The following THSD7B variants were observed in gnomAD, a reference collection of about 807,000 sequenced individuals.
THSD7B encodes thrombospondin type 1 domain containing 7B.
Under a neutral mutation model 213.6 loss-of-function variants are expected in THSD7B, and 138 were observed. The observed-to-expected ratio is 0.65, with a 90% confidence interval of 0.56 to 0.74. The LOEUF is 0.74. Ranked by LOEUF, THSD7B falls within the 30% of genes least tolerant of loss-of-function variation. The pLI is 0.00. For synonymous variants in THSD7B, 742 were observed against 687.0 expected (o/e 1.08, Z -1.25); for missense variants, 1,931 against 1,991.5 (o/e 0.97, Z 0.58).
At chr2:137,141,864 T>A (rs1481434841) in intron 5 of THSD7B, among the ~76,000 whole-genome samples, 1 of 152,092 alleles carries the variant, frequency 6.6e-6, no homozygotes, top group African/African-American at 2.4e-5. Context: ...ACATTTAATG[T>A]TTTTTTGCTA....
At chr2:137,316,757 C>CAAAAAA (rs869268206) in intron 12 of THSD7B, among the ~76,000 whole-genome samples, 3 of 21,812 alleles carry the variant, frequency 1.4e-4, no homozygotes, top group Non-Finnish European at 2.8e-4. Context: ...GACTCTGTCT[C>CAAAAAA]AAAAAAAAAA....
intron 6 of THSD7B, 72 bp from the exon 7 acceptor site, chr2:137,170,669 C>T: frequency 6.7e-7 from 1 of 1,485,802 alleles, no homozygotes; most frequent in South Asian, 1.2e-5. Context: ...TTTCATCTCT[C>T]ACCCAGCTGC....
chr2:137,094,571 C>A (rs1172981954), intron 3 of THSD7B, among the ~76,000 whole-genome samples: 9 of 150,174 alleles, frequency 6.0e-5, no homozygotes, highest in Middle Eastern at 3.5e-3. Context: ...AAAAAAAAAA[C>A]ACAGCAGCCT....
At chr2:137,323,270 G>A (rs1023760108) in intron 12 of THSD7B, among the ~76,000 whole-genome samples, 3 of 152,128 alleles carry the variant, frequency 2.0e-5, no homozygotes, top group Admixed American at 2.0e-4. Context: ...CAGAGGTGGA[G>A]GTAGCATGAC....
At chr2:137,402,422 C>T (rs1686390712) in intron 12 of THSD7B, among the ~76,000 whole-genome samples, 1 of 152,050 alleles carries the variant, frequency 6.6e-6, no homozygotes, top group Non-Finnish European at 1.5e-5. Context: ...AACTTGAAAA[C>T]ATCATTCAAT....
rs772148778 is a variant in THSD7B at position 137,276,027 on chromosome 2, G to T, written c.2500+1G>T. ...TGTGGAAAGGGGTTACAAACAAGAG[G>T]TATGATGATTTTTACATAGTTTTTT... is the stretch of plus-strand genomic sequence containing the variant. On this transcript the variant is annotated splice_donor_variant, in intron 12 of 27. Transcript: ENST00000409968. LOFTEE classifies it high-confidence loss of function. The T allele has an allele frequency of 3.7e-6, 6 of 1,606,446 alleles. No homozygotes were observed. The highest frequency in any genetic ancestry group is 4.3e-6 in the Non-Finnish European group (5 of 1,176,442).
intron 14 of THSD7B, among the ~76,000 whole-genome samples, chr2:137,420,544 C>A (rs776549550): frequency 3.3e-5 from 5 of 152,106 alleles, no homozygotes; most frequent in African/African-American, 1.2e-4. Context: ...TCCTATTTTA[C>A]CTATCTTATT....
intron 5 of THSD7B, chr2:137,156,289 CATTGATT>C (rs1411807288): frequency 6.6e-6 from 1 of 152,158 alleles, no homozygotes; most frequent in Non-Finnish European, 1.5e-5. Context: ...GACCCAAGCA[CATTGATT>C]CAGTGTCTAA....
intron 2 of THSD7B, among the ~76,000 whole-genome samples, chr2:136,981,226 CT>C (rs1229720266): frequency 6.6e-6 from 1 of 152,150 alleles, no homozygotes; most frequent in East Asian, 1.9e-4. Context: ...TGATAGAGGA[CT>C]CTCTCAGTGG....
At chr2:137,269,315 T>G (rs1362460233) in intron 10 of THSD7B, among the ~76,000 whole-genome samples, 1 of 152,176 alleles carries the variant, frequency 6.6e-6, no homozygotes, top group Non-Finnish European at 1.5e-5. Context: ...TTCTCAAACT[T>G]TAGATTATTT....
intron 2 of THSD7B, among the ~76,000 whole-genome samples, chr2:136,972,212 T>C (rs1306073860): frequency 6.6e-6 from 1 of 152,106 alleles, no homozygotes; most frequent in Non-Finnish European, 1.5e-5. Flanking sequence ...GAATTTGGGA[T>C]AGGAAGTGCT....
chr2:137,405,844 C>G (rs374711803), intron 13 of THSD7B, 37 bp downstream of exon 13: 9 of 1,536,640 alleles, frequency 5.9e-6, no homozygotes, highest in Non-Finnish European at 7.9e-6. Context: ...ATCAGGCAAG[C>G]TGAACATCTC....
intron 17 of THSD7B, among the ~76,000 whole-genome samples, chr2:137,577,440 G>A (rs985025919): frequency 1.3e-5 from 2 of 151,804 alleles, no homozygotes; most frequent in Admixed American, 1.3e-4. Flanking sequence ...CATCAATTTG[G>A]AGTACAAAGT....
chr2:136,960,686 CTCCT>C (rs1030468590), intron 2 of THSD7B, among the ~76,000 whole-genome samples: 2 of 152,152 alleles, frequency 1.3e-5, no homozygotes, highest in African/African-American at 2.4e-5. Flanking sequence ...CTTCTCGAAT[CTCCT>C]TCCATAGAGT....
At chr2:137,031,173 G>A (rs978812515) in intron 2 of THSD7B, among the ~76,000 whole-genome samples, 4 of 150,676 alleles carry the variant, frequency 2.7e-5, no homozygotes, top group Non-Finnish European at 4.4e-5. Flanking sequence ...GTGAAACCCC[G>A]CCTCTACTAA....
intron 7 of THSD7B, among the ~76,000 whole-genome samples, chr2:137,225,712 T>C (rs1294615517): frequency 6.6e-6 from 1 of 152,180 alleles, no homozygotes; most frequent in Non-Finnish European, 1.5e-5. Flanking sequence ...TCAGATGCTA[T>C]TGTTATTTTA....
chr2:137,625,977 C>G (rs1682619051), intron 20 of THSD7B, among the ~76,000 whole-genome samples: 1 of 152,194 alleles, frequency 6.6e-6, no homozygotes. Flanking sequence ...CTTAGACTCT[C>G]CAGAGTGACA....
intron 15 of THSD7B, among the ~76,000 whole-genome samples, chr2:137,515,153 A>G (rs1270575866): frequency 6.6e-6 from 1 of 152,194 alleles, no homozygotes; most frequent in Non-Finnish European, 1.5e-5. Context: ...GGAAAAGAAT[A>G]GGACCCTGCG....
chr2:136,962,539 G>C (rs1184887419), intron 2 of THSD7B, among the ~76,000 whole-genome samples: 1 of 151,388 alleles, frequency 6.6e-6, no homozygotes, highest in Admixed American at 6.6e-5. Context: ...TATTGTGTGT[G>C]GGTGGAAAGG....
Sources: allele counts gnomAD v4.1 joint callset (sites outside exome capture counted in the v4.1 genomes callset), GRCh38; gene constraint gnomAD v4.1.1; transcripts MANE v1.5; gene names NCBI Gene and HGNC (gene_info 2026-07-23, HGNC 2026-07-21).